The following LHFPL3 variants were observed in gnomAD, a reference collection of about 807,000 sequenced individuals.
LHFPL3 encodes LHFPL tetraspan subfamily member 3, also known as LHFPL tetraspan subfamily member 3 protein.
LHFPL3 carries 5 observed loss-of-function variants against 19.3 expected under a neutral mutation model. That is an observed-to-expected ratio of 0.26 (90% CI 0.14 to 0.54). The LOEUF (loss-of-function observed/expected upper bound fraction) is 0.54, where lower values mean the gene tolerates loss of function less well. LHFPL3 is among the 20% of genes least tolerant of loss of function. The pLI is 0.94. For synonymous variants in LHFPL3, 133 were observed against 126.2 expected (o/e 1.05, Z -0.36); for missense variants, 249 against 307.4 (o/e 0.81, Z 1.42).
At chr7:104,805,272 A>G (rs1331635351) in intron 2 of LHFPL3, among the ~76,000 whole-genome samples, 2 of 152,236 alleles carry the variant, frequency 1.3e-5, no homozygotes, top group South Asian at 2.1e-4. Flanking sequence ...GCATCCCTTA[A>G]GTTCAACTAC....
chr7:104,832,997 A>ATATATATC (rs1393213688), intron 2 of LHFPL3, among the ~76,000 whole-genome samples: 4 of 111,064 alleles, frequency 3.6e-5, no homozygotes, highest in African/African-American at 1.5e-4. Flanking sequence ...TAGGACATAT[A>ATATATATC]TATTATATAT....
At chr7:104,426,476 G>C (rs922228296) in intron 1 of LHFPL3, among the ~76,000 whole-genome samples, 1 of 152,078 alleles carries the variant, frequency 6.6e-6, no homozygotes, top group African/African-American at 2.4e-5. Flanking sequence ...GGCTTGTCTG[G>C]AACTTCCGGC....
intron 1 of LHFPL3, among the ~76,000 whole-genome samples, chr7:104,556,742 C>T (rs1295596407): frequency 6.6e-6 from 1 of 152,216 alleles, no homozygotes; most frequent in East Asian, 1.9e-4. Flanking sequence ...ATGAGATTTT[C>T]TTTAACATCA....
chr7:104,457,875 G>A (rs1229582839), intron 1 of LHFPL3, among the ~76,000 whole-genome samples: 3 of 144,670 alleles, frequency 2.1e-5, no homozygotes, highest in Non-Finnish European at 4.5e-5. Context: ...GTGATGGTGA[G>A]CATTTTTTCA....
At chr7:104,633,876 C>G (rs945508738) in intron 1 of LHFPL3, among the ~76,000 whole-genome samples, 1 of 152,208 alleles carries the variant, frequency 6.6e-6, no homozygotes, top group Non-Finnish European at 1.5e-5. Context: ...TCCCCCTACC[C>G]ATCCTCCACC....
At chr7:104,622,914 A>G (rs1046311601) in intron 1 of LHFPL3, 1 of 239,060 alleles carries the variant, frequency 4.2e-6, no homozygotes, top group Admixed American at 4.8e-5. Flanking sequence ...GCACCATTTT[A>G]CATTCCCAGC....
intron 1 of LHFPL3, among the ~76,000 whole-genome samples, chr7:104,532,318 C>CTTTTTTTTTTTTTTTTTTTTTTTGTTT (rs71155504): frequency 2.3e-5 from 2 of 87,230 alleles, no homozygotes; most frequent in Non-Finnish European, 4.1e-5. Context: ...TTCTTTCTGT[C>CTTTTTTTTTTTTTTTTTTTTTTTGTTT]TTTTTTTTTT....
chr7:104,678,716 A>G (rs1792639022), intron 1 of LHFPL3, among the ~76,000 whole-genome samples: 1 of 152,232 alleles, frequency 6.6e-6, no homozygotes. Flanking sequence ...ATAATTGTAT[A>G]GCCATAATAA....
At chr7:104,543,750 C>T (rs1420871460) in intron 1 of LHFPL3, among the ~76,000 whole-genome samples, 2 of 109,326 alleles carry the variant, frequency 1.8e-5, no homozygotes, top group African/African-American at 3.7e-5. Flanking sequence ...GAACATCACA[C>T]TCTGGGGTCT....
intron 1 of LHFPL3, among the ~76,000 whole-genome samples, chr7:104,430,855 G>T (rs1791990344): frequency 6.6e-6 from 1 of 151,960 alleles, no homozygotes; most frequent in African/African-American, 2.4e-5. Flanking sequence ...CATCTTTGCA[G>T]GTGCATAATG....
chr7:104,824,325 TTA>T (rs1475208736), intron 2 of LHFPL3, among the ~76,000 whole-genome samples: 3 of 33,284 alleles, frequency 9.0e-5, no homozygotes, highest in Non-Finnish European at 1.5e-4. Flanking sequence ...ATATATTATT[TTA>T]TATATAATAT....
chr7:104,861,659 C>T (rs568722002), intron 2 of LHFPL3, among the ~76,000 whole-genome samples: 1 of 152,154 alleles, frequency 6.6e-6, no homozygotes, highest in Admixed American at 6.6e-5. Flanking sequence ...CGCAGCCACC[C>T]AACCTGGGTG....
intron 2 of LHFPL3, among the ~76,000 whole-genome samples, chr7:104,795,628 G>C (rs1790108731): frequency 6.6e-6 from 1 of 152,118 alleles, no homozygotes; most frequent in Non-Finnish European, 1.5e-5. Context: ...AATCTCTCTG[G>C]AATCATCCCT....
chr7:104,610,811 A>G (rs1308984647), intron 1 of LHFPL3, among the ~76,000 whole-genome samples: 1 of 152,222 alleles, frequency 6.6e-6, no homozygotes, highest in Non-Finnish European at 1.5e-5. Context: ...ATGTTTAATC[A>G]AATATCTGGG....
rs115237633 is a variant in LHFPL3 at position 104,417,686 on chromosome 7, G to T, written c.445+88462G>T. On this transcript the variant is annotated intron_variant, in intron 1 of 2. Transcript: ENST00000424859. Reference sequence around the variant, plus strand: ...AGAAAACAATCCTTGTGGGTTTTTTGAATATTTTTCCAAGTTACATTAATT... The same window carrying T: ...AGAAAACAATCCTTGTGGGTTTTTTTAATATTTTTCCAAGTTACATTAATT... Among the ~76,000 whole-genome samples, 652 of 151,952 alleles carry T rather than the reference G, an allele frequency of 4.3e-3. 3 individuals are homozygous for T. Among genetic ancestry groups the T allele is most frequent in the African/African-American group, 0.015 (630 of 41,438 alleles).
At chr7:104,391,436 T>C (rs1013385042) in intron 1 of LHFPL3, among the ~76,000 whole-genome samples, 3 of 152,206 alleles carry the variant, frequency 2.0e-5, no homozygotes, top group Non-Finnish European at 4.4e-5. Flanking sequence ...ATTTATTAAA[T>C]AGGGAATCCT....
At position 104,585,510 on chromosome 7, in the gene LHFPL3, C is replaced by CACACACACACACAT. The variant is rs1562941860; in HGVS notation, c.446-151153_446-151152insATACACACACACAC. 3.3e-5 allele frequency among the ~76,000 whole-genome samples: 5 copies of CACACACACACACAT among 151,338 alleles called. No individual in the cohort carries two copies. The East Asian group carries it at 5.9e-4, about 18-fold the overall frequency. On this transcript the variant is annotated intron_variant, in intron 1 of 2. Transcript: ENST00000424859. ...ACACACACACACACACACACACACACACACACACACACGGCCTTGTCCCTG... is the reference window on the plus strand; with the variant it reads ...ACACACACACACACACACACACACACACACACACACACATACACACACACACGGCCTTGTCCCTG...
At chr7:104,355,249 A>G (rs1056706098) in intron 1 of LHFPL3, among the ~76,000 whole-genome samples, 6 of 152,102 alleles carry the variant, frequency 3.9e-5, no homozygotes, top group Admixed American at 3.3e-4. Context: ...TCCTTTTCTC[A>G]GTTGTCAATA....
At chr7:104,609,426 T>C (rs1289009089) in intron 1 of LHFPL3, among the ~76,000 whole-genome samples, 1 of 152,168 alleles carries the variant, frequency 6.6e-6, no homozygotes, top group African/African-American at 2.4e-5. Context: ...TGTCTTGAAA[T>C]ACACAAGTAG....
Sources: allele counts gnomAD v4.1 joint callset (sites outside exome capture counted in the v4.1 genomes callset), GRCh38; gene constraint gnomAD v4.1.1; transcripts MANE v1.5; gene names NCBI Gene and HGNC (gene_info 2026-07-23, HGNC 2026-07-21).